LIN54: variants seen among roughly 807,000 people sequenced by gnomAD.
LIN54 encodes the protein protein lin-54 homolog.
In LIN54, 9 loss-of-function variants were observed where a neutral mutation model predicts 78.7. That is an observed-to-expected ratio of 0.11 (90% CI 0.07 to 0.20). The LOEUF is 0.20. LIN54 is among the 10% of genes least tolerant of loss of function. The pLI is 1.00. For missense variants in LIN54, 573 were observed against 889.9 expected, an observed-to-expected ratio of 0.64 and a Z score of 4.53; for synonymous variants, 269 against 318.4, an observed-to-expected ratio of 0.84 and a Z score of 1.65.
chr4:82,979,531 T>C (rs1726447949), intron 2 of LIN54, among the ~76,000 whole-genome samples: 1 of 152,122 alleles, frequency 6.6e-6, no homozygotes, highest in Non-Finnish European at 1.5e-5. Flanking sequence ...CTAAATAAGT[T>C]AAAGCCCTAG....
At chr4:82,947,235 A>ATATATATATATATTT in intron 4 of LIN54, among the ~76,000 whole-genome samples, 7 of 44,288 alleles carry the variant, frequency 1.6e-4, no homozygotes, top group Non-Finnish European at 2.6e-4. Context: ...ATATATATAT[A>ATATATATATATATTT]TTTTTTTTTT....
At chr4:82,961,870 C>T (rs895866404) in intron 4 of LIN54, among the ~76,000 whole-genome samples, 9 of 151,626 alleles carry the variant, frequency 5.9e-5, no homozygotes, top group Admixed American at 2.0e-4. Flanking sequence ...GCAGGAGGAT[C>T]GCTTGAACCC....
intron 12 of LIN54, among the ~76,000 whole-genome samples, chr4:82,929,010 AT>A (rs1721719090): frequency 6.6e-6 from 1 of 152,226 alleles, no homozygotes. Context: ...AAGCAACATA[AT>A]CTAAACCACT....
At chr4:83,009,144 T>C (rs1729650711) in intron 1 of LIN54, among the ~76,000 whole-genome samples, 2 of 152,332 alleles carry the variant, frequency 1.3e-5, no homozygotes, top group East Asian at 1.9e-4. Flanking sequence ...GGGTCTCTTA[T>C]TCTTCTAGTA....
chr4:82,949,350 A>G (rs910325699), intron 4 of LIN54, among the ~76,000 whole-genome samples: 1 of 151,226 alleles, frequency 6.6e-6, no homozygotes, highest in South Asian at 2.1e-4. Flanking sequence ...GTATTTTTTA[A>G]TTGGGTTGTT....
intron 12 of LIN54, among the ~76,000 whole-genome samples, chr4:82,930,429 C>T (rs1270858594): frequency 6.6e-6 from 1 of 152,176 alleles, no homozygotes; most frequent in Non-Finnish European, 1.5e-5. Flanking sequence ...AAGAGATTCA[C>T]AAACTACTAA....
Position 82,970,461 on chromosome 4 carries a change from G to T in LIN54, c.817C>A (p.Leu273Ile). 6.2e-7 allele frequency: 1 copy of T among 1,605,328 alleles called. No individual in the cohort carries two copies. The highest frequency in any genetic ancestry group is 1.1e-5 in the South Asian group (1 of 88,700). The change falls in exon 4 of 13, where the codon CTT becomes ATT. Residue 273 changes from leucine (L) to isoleucine (I), a missense_variant. Transcript: ENST00000340417. ...GGAGTTCCGGGAGTAGACTGTGAAA[G>T]AACCCTACCTGCAAATGAGAGGCAG... ...VSPPVIAGRV[L>I]SQSTPGTPSK... is the part of the protein sequence containing the mutation.
intron 3 of LIN54, among the ~76,000 whole-genome samples, chr4:82,971,500 T>C (rs1023774583): frequency 6.6e-6 from 1 of 151,930 alleles, no homozygotes; most frequent in Non-Finnish European, 1.5e-5. Flanking sequence ...AATGGTCATA[T>C]AGATAATCAA....
chr4:82,948,267 AC>A (rs1311155496), intron 4 of LIN54, among the ~76,000 whole-genome samples: 2 of 152,210 alleles, frequency 1.3e-5, no homozygotes, highest in African/African-American at 4.8e-5. Flanking sequence ...TTTATTGGGT[AC>A]TTAATATGCA....
At chr4:82,953,145 C>A (rs1016394008) in intron 4 of LIN54, among the ~76,000 whole-genome samples, 4 of 152,172 alleles carry the variant, frequency 2.6e-5, no homozygotes, top group African/African-American at 9.6e-5. Context: ...TGCATCACTA[C>A]GCCCAGCTAA....
rs573096015 is a variant in LIN54, at chr4:82,926,409, T to C, written c.*1693A>G. ...TATAAATCCAAATTTAAAAGGAAGA[T>C]ACTTTAGTGAATAACGGAATCCTCT... On this transcript the variant is annotated 3_prime_UTR_variant, in exon 13 of 13. Coordinates refer to ENST00000340417, the MANE Select transcript of LIN54 (RefSeq NM_194282.4). 1.3e-5 allele frequency: 2 copies of C among 152,694 alleles called. No individual in the cohort carries two copies. Among genetic ancestry groups the C allele is most frequent in the South Asian group, 4.1e-4 (2 of 4,828 alleles). 9.5% of individuals were successfully genotyped at this position (152,694 alleles called of 1,614,324 possible).
chr4:82,943,464 AT>A, intron 5 of LIN54, among the ~76,000 whole-genome samples: 1 of 152,354 alleles, frequency 6.6e-6, no homozygotes, highest in Middle Eastern at 3.4e-3. Context: ...ATAAAGAGAC[AT>A]TAATATTTGA....
intron 1 of LIN54, among the ~76,000 whole-genome samples, chr4:83,006,704 A>G (rs917204254): frequency 2.0e-5 from 3 of 152,132 alleles, no homozygotes; most frequent in Non-Finnish European, 4.4e-5. Context: ...ATTTAAATGT[A>G]TTATGAAGAT....
At chr4:82,935,117 ATTT>A in intron 11 of LIN54, among the ~76,000 whole-genome samples, 1 of 152,076 alleles carries the variant, frequency 6.6e-6, no homozygotes, top group East Asian at 1.9e-4. Context: ...CCCCTTTCCT[ATTT>A]TTATGCTCAC....
chr4:82,989,769 T>C (rs988573318), intron 1 of LIN54, among the ~76,000 whole-genome samples: 2 of 152,134 alleles, frequency 1.3e-5, no homozygotes, highest in African/African-American at 4.8e-5. Flanking sequence ...AGCTTGCATT[T>C]ACTTTCATTT....
rs780721908 is a variant in LIN54 at position 82,970,420 on chromosome 4, T to C, written c.858A>G (p.Thr286=). The C allele has an allele frequency of 5.6e-6, 9 of 1,613,410 alleles. No individual in the cohort carries two copies. The South Asian group carries it at 9.9e-5, about 18-fold the overall frequency. ...STPGTPSKTI[T]ISESGVIGST... is the part of the protein sequence containing the mutation. ...ATCCAATAACACCACTTTCAGATAT[T>C]GTTATGGTCTTTGATGGAGTTCCGG... is the stretch of plus-strand genomic sequence containing the variant. The change falls in exon 4 of 13, where the codon ACA becomes ACG. Residue 286 remains threonine (T), a synonymous_variant. Transcript: ENST00000340417.
upstream of LIN54, chr4:83,010,948 AC>A (rs1169315420): frequency 1.3e-6 from 1 of 776,472 alleles, no homozygotes; most frequent in Non-Finnish European, 1.7e-6. Context: ...GCAAGTGCAC[AC>A]GGGCTACGCC....
In LIN54 at chr4:82,984,514, A is replaced by G. The variant is rs755534659; in HGVS notation, c.331T>C (p.Ser111Pro). The G allele has an allele frequency of 6.2e-7, 1 of 1,614,182 alleles. No homozygotes were observed. The highest frequency in any genetic ancestry group is 2.2e-5 in the East Asian group (1 of 44,886). ...TTGTTTAAAATAATCTGATTGGCTGATATAGTCACAGGAGTCTGAGCACCA... is the reference window on the plus strand; with the variant it reads ...TTGTTTAAAATAATCTGATTGGCTGGTATAGTCACAGGAGTCTGAGCACCA... ...KLGAQTPVTI[S>P]ANQIILNKVS... The change falls in exon 2 of 13, where the codon TCA becomes CCA. Residue 111 changes from serine to proline, a missense_variant. Around this residue, in one of 6 missense-constraint regions of LIN54, gnomAD observed 183 missense variants for 228.4 expected, o/e 0.80. Coordinates refer to ENST00000340417, the MANE Select transcript of LIN54 (RefSeq NM_194282.4).
At chr4:83,010,120 G>A (rs1156887913) in intron 1 of LIN54, among the ~76,000 whole-genome samples, 1 of 152,114 alleles carries the variant, frequency 6.6e-6, no homozygotes, top group Non-Finnish European at 1.5e-5. Context: ...CTAAGACACA[G>A]ATCTTAAATG....
Sources: allele counts gnomAD v4.1 joint callset (sites outside exome capture counted in the v4.1 genomes callset), GRCh38; gene constraint gnomAD v4.1.1; regional missense constraint gnomAD v4.1.1; transcripts MANE v1.5; gene names NCBI Gene and HGNC (gene_info 2026-07-23, HGNC 2026-07-21).